The following CLHC1 variants were observed in gnomAD, a reference collection of about 807,000 sequenced individuals.
The protein encoded by CLHC1 is clathrin heavy chain linker domain-containing protein 1.
A neutral mutation model predicts 69.5 loss-of-function variants in CLHC1; 72 were observed. That is an observed-to-expected ratio of 1.04 (90% CI 0.86 to 1.26). The LOEUF (loss-of-function observed/expected upper bound fraction) is 1.26, where lower values mean the gene tolerates loss of function less well. CLHC1 is among the 50% of genes most tolerant of loss of function. The pLI, the probability that CLHC1 is intolerant of heterozygous loss-of-function variation, is 0.00. For missense variants in CLHC1, 790 were observed against 679.3 expected, an observed-to-expected ratio of 1.16 and a Z score of -1.81; for synonymous variants, 223 against 224.3, an observed-to-expected ratio of 0.99 and a Z score of 0.05.
chr2:55,186,508 C>G (rs7349360), intron 9 of CLHC1, among the ~76,000 whole-genome samples: 17,672 of 152,154 alleles, frequency 0.12, 1,255 homozygotes, highest in East Asian at 0.28. Flanking sequence ...AATTCCAACA[C>G]TTCAGGAGGC....
intron 9 of CLHC1, among the ~76,000 whole-genome samples, chr2:55,191,135 C>T (rs1023204476): frequency 1.3e-5 from 2 of 152,040 alleles, no homozygotes; most frequent in African/African-American, 2.4e-5. Context: ...CTTTCAAAAG[C>T]GAAGGTAAAA....
chr2:55,184,863 C>T (rs1670273005), intron 9 of CLHC1, among the ~76,000 whole-genome samples: 1 of 150,390 alleles, frequency 6.6e-6, no homozygotes, highest in African/African-American at 2.4e-5. Context: ...TGAGATCGTG[C>T]CACTGCACTC....
At position 55,175,984 on chromosome 2, in the gene CLHC1, C is replaced by A. The variant is rs144589078; in HGVS notation, c.1567G>T (p.Ala523Ser). 1 of 1,611,440 alleles carries A rather than the reference C, an allele frequency of 6.2e-7. No homozygotes were observed. Among genetic ancestry groups the A allele is most frequent in the South Asian group, 1.1e-5 (1 of 90,974 alleles). ...TCATTTATCATAAGACTTTCTACTGCATCTGTGGGGAAAAAATACAATATT... is the reference window on the plus strand; with the variant it reads ...TCATTTATCATAAGACTTTCTACTGAATCTGTGGGGAAAAAATACAATATT... ...LQEINKGGIDAVESLMINDSF... is the reference protein window; with the variant it reads ...LQEINKGGIDSVESLMINDSF... The change falls in exon 13 of 13, where the codon GCA (alanine) becomes TCA (serine). Residue 523 changes from alanine (A) to serine (S), a missense_variant and splice_region_variant. Transcript: ENST00000401408.
Position 55,228,918 on chromosome 2 carries a change from G to T in CLHC1, c.-255-714C>A, listed in dbSNP as rs1674977039. ...TAATCCCAGCACTTTGGAAAGCCGA[G>T]GCAGGTGGATCACTTGAGGTTAGGA... is the stretch of plus-strand genomic sequence containing the variant. On this transcript the variant is annotated intron_variant, in intron 1 of 12. Transcript: ENST00000401408. Among the ~76,000 whole-genome samples, 3 of 152,156 alleles carry T rather than the reference G, an allele frequency of 2.0e-5. No homozygotes were observed. In the East Asian group the frequency reaches 5.8e-4, roughly 29 times the overall value.
chr2:55,222,437 C>T lies in CLHC1; in HGVS notation c.-26G>A. 1.3e-6 allele frequency: 2 copies of T among 1,591,766 alleles called. No individual in the cohort carries two copies. The highest frequency in any genetic ancestry group is 1.7e-6 in the Non-Finnish European group (2 of 1,167,682). ...ATTTGACAATCTGCACACTTGTTCA[C>T]TGAAGAACAGCTAAATCTTGACCTG... On this transcript the variant is annotated 5_prime_UTR_variant, in exon 3 of 13. The change creates a new upstream start codon in the 5' untranslated region. Coordinates refer to ENST00000401408, the MANE Select transcript of CLHC1 (RefSeq NM_152385.4).
At chr2:55,212,495 T>C (rs963778411) in intron 5 of CLHC1, among the ~76,000 whole-genome samples, 178 bp downstream of exon 5, 1 of 152,178 alleles carries the variant, frequency 6.6e-6, no homozygotes, top group African/African-American at 2.4e-5. Context: ...ACTCAATCTT[T>C]TAGAGTTCGT....
intron 1 of CLHC1, among the ~76,000 whole-genome samples, chr2:55,229,130 G>A (rs3929128): frequency 0.027 from 3,230 of 119,212 alleles, 121 homozygotes; most frequent in African/African-American, 0.097. Context: ...CAGCCTGGGC[G>A]ACAGAGGGAG....
At chr2:55,215,514 C>T (rs1169703677) in intron 4 of CLHC1, among the ~76,000 whole-genome samples, 4 of 152,172 alleles carry the variant, frequency 2.6e-5, no homozygotes, top group African/African-American at 9.7e-5. Flanking sequence ...AATTCCAGAA[C>T]ATTTCGTTGG....
chr2:55,193,447 TAAA>T (rs1312448306), intron 9 of CLHC1, among the ~76,000 whole-genome samples: 1 of 151,692 alleles, frequency 6.6e-6, no homozygotes, highest in African/African-American at 2.4e-5. Flanking sequence ...AACTCAATAA[TAAA>T]AACACAAAAA....
chr2:55,197,576 C>A (rs1490340835), intron 9 of CLHC1, among the ~76,000 whole-genome samples: 1 of 152,146 alleles, frequency 6.6e-6, no homozygotes, highest in Non-Finnish European at 1.5e-5. Flanking sequence ...TGGAAAAGAA[C>A]AAGAATTCTC....
chr2:55,175,680 G>C lies in CLHC1; in HGVS notation c.*110C>G. On this transcript the variant is annotated 3_prime_UTR_variant, in exon 13 of 13. Coordinates refer to ENST00000401408, the MANE Select transcript of CLHC1 (RefSeq NM_152385.4). ...TAACAAAAGTGTGATTTATTTCTGA[G>C]ATCTTCTTACTCTAGATTTATTTAT... The C allele has an allele frequency of 1.5e-6, 1 of 665,286 alleles. No individual in the cohort carries two copies. Among genetic ancestry groups the C allele is most frequent in the Non-Finnish European group, 2.5e-6 (1 of 396,398 alleles). 41.2% of individuals were successfully genotyped at this position (665,286 alleles called of 1,614,324 possible).
chr2:55,180,225 A>G (rs1252393113), intron 11 of CLHC1, among the ~76,000 whole-genome samples: 1 of 152,058 alleles, frequency 6.6e-6, no homozygotes, highest in Non-Finnish European at 1.5e-5. Context: ...ATGTTCTAGT[A>G]TATCTGCTAA....
At chr2:55,201,356 A>T (rs1170306165) in intron 9 of CLHC1, among the ~76,000 whole-genome samples, 1 of 152,134 alleles carries the variant, frequency 6.6e-6, no homozygotes, top group Non-Finnish European at 1.5e-5. Flanking sequence ...ATACCACAGA[A>T]ATTCAAAGGA....
chr2:55,189,002 T>C (rs1670676451), intron 9 of CLHC1, among the ~76,000 whole-genome samples: 1 of 152,182 alleles, frequency 6.6e-6, no homozygotes, highest in Admixed American at 6.5e-5. Context: ...CAAGTGAATA[T>C]TTAAGGCAAA....
intron 9 of CLHC1, among the ~76,000 whole-genome samples, chr2:55,198,252 G>C (rs909097013): frequency 1.3e-5 from 2 of 152,194 alleles, no homozygotes; most frequent in African/African-American, 2.4e-5. Flanking sequence ...TCTTAAAGAG[G>C]AGGTAGAAAG....
In CLHC1 at chr2:55,177,710, C is replaced by A; in HGVS notation, c.1456G>T (p.Glu486Ter). The A allele has an allele frequency of 6.2e-7, 1 of 1,613,108 alleles. No individual in the cohort carries two copies. Among genetic ancestry groups the A allele is most frequent in the Non-Finnish European group, 8.5e-7 (1 of 1,179,268 alleles). ...CCAAAAGATAAAGATGGTTGTTTCTCATTCAACTCTTTAGTGAGACACTGA... is the reference window on the plus strand; with the variant it reads ...CCAAAAGATAAAGATGGTTGTTTCTAATTCAACTCTTTAGTGAGACACTGA... ...LIQCLTKELN[E>*]KQPSLSFGLA... Residue 486 changes from glutamate (E) to a stop codon, truncating the protein, a stop_gained, in exon 12 of 13, where the codon GAG (glutamate) becomes TAG (stop). Transcript: ENST00000401408. LOFTEE classifies it high-confidence loss of function.
chr2:55,219,943 C>T (rs181534464), intron 3 of CLHC1, among the ~76,000 whole-genome samples: 2 of 152,208 alleles, frequency 1.3e-5, no homozygotes, highest in East Asian at 3.9e-4. Flanking sequence ...GCTATGTTGC[C>T]CAGGATGGTC....
intron 2 of CLHC1, chr2:55,224,381 AC>A: frequency 2.3e-6 from 1 of 440,208 alleles, no homozygotes; most frequent in Non-Finnish European, 4.6e-6. Flanking sequence ...CTCCCCCGAC[AC>A]CCAGTGGATG....
Position 55,175,994 on chromosome 2 carries a change from GA to G in CLHC1, c.1565-9del, listed in dbSNP as rs780229425. ...TAAGACTTTCTACTGCATCTGTGGG[GA>G]AAAAATACAATATTATAGTATGGCA... On this transcript the variant is annotated splice_polypyrimidine_tract_variant and intron_variant, in intron 12 of 12. Transcript: ENST00000401408. 23 of 1,604,432 alleles carry G rather than the reference GA, an allele frequency of 1.4e-5. No individual in the cohort carries two copies. In the African/African-American group the frequency reaches 2.6e-4, roughly 18 times the overall value.
Sources: allele counts gnomAD v4.1 joint callset (sites outside exome capture counted in the v4.1 genomes callset), GRCh38; gene constraint gnomAD v4.1.1; transcripts MANE v1.5; gene names NCBI Gene and HGNC (gene_info 2026-07-23, HGNC 2026-07-21).